Variants in NDUFB2 observed in about 807,000 individuals in gnomAD.
NDUFB2 encodes the protein NADH dehydrogenase [ubiquinone] 1 beta subcomplex subunit 2, mitochondrial.
In NDUFB2, 13 loss-of-function variants were observed where a neutral mutation model predicts 13.4. The observed-to-expected ratio is 0.97, with a 90% CI of 0.63 to 1.54. The LOEUF is 1.54. NDUFB2 is among the 40% of genes most tolerant of loss of function. NDUFB2 has a pLI of 0.00. For missense variants in NDUFB2, 150 were observed against 139.7 expected (o/e 1.07, Z -0.37); for synonymous variants, 47 against 50.6 (o/e 0.93, Z 0.30).
chr7:140,697,604 T>G (rs1192071672), intron 1 of NDUFB2, among the ~76,000 whole-genome samples: 4 of 151,586 alleles, frequency 2.6e-5, no homozygotes, highest in African/African-American at 9.7e-5. Flanking sequence ...TGGAAAAGAG[T>G]CATGGATGAT....
intron 1 of NDUFB2, chr7:140,697,135 T>TCGGCGCCGGCGCGGGCGGTCCAGG (rs1794820783): frequency 3.4e-6 from 2 of 589,026 alleles, no homozygotes. Context: ...GCTGAGCCAG[T>TCGGCGCCGGCGCGGGCGGTCCAGG]CGGCGCCGGC....
intron 1 of NDUFB2, among the ~76,000 whole-genome samples, chr7:140,701,565 G>T (rs2130800917): frequency 6.6e-6 from 1 of 151,616 alleles, no homozygotes; most frequent in Admixed American, 6.6e-5. Context: ...GAGGTGCTCA[G>T]TCAGCAGAAG....
At chr7:140,704,735 TC>T (rs1259201566) in intron 2 of NDUFB2, 124 bp from the exon 3 acceptor site, 1 of 595,158 alleles carries the variant, frequency 1.7e-6, no homozygotes, top group Non-Finnish European at 2.8e-6. Context: ...TAGAATTTGT[TC>T]CTGTGGTCAG....
chr7:140,700,412 C>T (rs920802406), intron 1 of NDUFB2, among the ~76,000 whole-genome samples: 12 of 151,804 alleles, frequency 7.9e-5, no homozygotes, highest in Non-Finnish European at 1.3e-4. Flanking sequence ...CATAAGCCAC[C>T]GTGTCCGGCC....
intron 1 of NDUFB2, among the ~76,000 whole-genome samples, chr7:140,697,716 C>T (rs1344637648): frequency 3.3e-5 from 5 of 152,190 alleles, no homozygotes; most frequent in African/African-American, 1.2e-4. Flanking sequence ...TCAAATCCCA[C>T]CTCTGCCACA....
chr7:140,699,159 A>G lies in NDUFB2; in HGVS notation c.98+2317A>G, dbSNP rs1156228963. On this transcript the variant is annotated intron_variant, in intron 1 of 3. Coordinates refer to ENST00000247866, the MANE Select transcript of NDUFB2 (RefSeq NM_004546.3). ...GGTGACAGAGTGAGACCCCGTCTCA[A>G]AAAAATAAAAATAAAAATGTAACTA... Among the ~76,000 whole-genome samples the G allele has an allele frequency of 2.6e-5, 4 of 152,214 alleles. No homozygotes were observed. In the East Asian group the frequency reaches 7.7e-4, roughly 29 times the overall value.
At chr7:140,696,894 G>C (rs751500191) in intron 1 of NDUFB2, 52 bp downstream of exon 1, 1 of 1,516,808 alleles carries the variant, frequency 6.6e-7, no homozygotes, top group Admixed American at 1.9e-5. Context: ...CGGACAGCGC[G>C]GGTCCCTGGG....
At chr7:140,697,110 G>A (rs1376477152) in intron 1 of NDUFB2, 1 of 589,616 alleles carries the variant, frequency 1.7e-6, no homozygotes, top group African/African-American at 1.9e-5. Context: ...AGACGCACGC[G>A]TGAATGCGGA....
chr7:140,706,166 C>G (rs890825572), intron 3 of NDUFB2: 5 of 152,132 alleles, frequency 3.3e-5, no homozygotes, highest in Middle Eastern at 3.4e-3. Flanking sequence ...TCATGGCTCA[C>G]TGTAACCCCA....
At chr7:140,704,984 T>C in intron 3 of NDUFB2, 21 bp downstream of exon 3, 1 of 1,307,820 alleles carries the variant, frequency 7.6e-7, no homozygotes. Flanking sequence ...TCCAAATTTC[T>C]TTATGTCATA....
chr7:140,704,369 C>T (rs1228603565), intron 2 of NDUFB2, among the ~76,000 whole-genome samples: 1 of 152,170 alleles, frequency 6.6e-6, no homozygotes, highest in Non-Finnish European at 1.5e-5. Flanking sequence ...GCCCCTGCCT[C>T]ACTGTAGGTC....
intron 1 of NDUFB2, chr7:140,697,069 G>T: frequency 1.7e-6 from 1 of 594,174 alleles, no homozygotes; most frequent in Non-Finnish European, 3.0e-6. Context: ...GTGCAGGGCC[G>T]TCATGGTAGT....
At chr7:140,701,102 T>A (rs62485854) in intron 1 of NDUFB2, 6 of 152,094 alleles carry the variant, frequency 3.9e-5, no homozygotes, top group Non-Finnish European at 8.8e-5. Context: ...GATGACTATT[T>A]AGAAAAAAAA....
rs1303975088 is a variant in NDUFB2, at chr7:140,701,780, A to C, written c.99-1086A>C. On this transcript the variant is annotated intron_variant, in intron 1 of 3. Coordinates refer to ENST00000247866, the MANE Select transcript of NDUFB2 (RefSeq NM_004546.3). ...AAACCCCGTCTCTACTAAAAAAAAAACAAAAATTAGCTGGGCATGGTGGCG... is the reference window on the plus strand; with the variant it reads ...AAACCCCGTCTCTACTAAAAAAAAACCAAAAATTAGCTGGGCATGGTGGCG... 6.1e-5 allele frequency: 19 copies of C among 309,942 alleles called. No homozygotes were observed. In the South Asian group the frequency reaches 7.2e-4, roughly 12 times the overall value. The allele number at this position is 309,942 out of a possible 1,614,324, so 19.2% of individuals were successfully genotyped here.
intron 1 of NDUFB2, chr7:140,700,950 G>C (rs959376070): frequency 6.6e-6 from 1 of 152,104 alleles, no homozygotes; most frequent in Admixed American, 6.6e-5. Flanking sequence ...TTGTAAAGTG[G>C]CGATATTTGG....
intron 1 of NDUFB2, chr7:140,702,584 C>T (rs1483270189): frequency 5.5e-6 from 2 of 365,904 alleles, no homozygotes; most frequent in South Asian, 1.2e-4. Flanking sequence ...TTGGGGCTAG[C>T]ACCCCAGAAT....
chr7:140,697,371 G>A (rs952640651), intron 1 of NDUFB2: 5 of 702,820 alleles, frequency 7.1e-6, no homozygotes, highest in Non-Finnish European at 7.8e-6. Flanking sequence ...GGAGGCTGTC[G>A]CCCAGAGAGA....
intron 1 of NDUFB2, chr7:140,701,208 T>C (rs1794892298): frequency 6.6e-6 from 1 of 152,230 alleles, no homozygotes; most frequent in Non-Finnish European, 1.5e-5. Context: ...AAGGAGAAAA[T>C]TGTTAATGGT....
intron 1 of NDUFB2, chr7:140,697,124 G>C: frequency 1.7e-6 from 1 of 592,810 alleles, no homozygotes; most frequent in Non-Finnish European, 3.0e-6. Context: ...ATGCGGAGCG[G>C]GCTGAGCCAG....
Sources: allele counts gnomAD v4.1 joint callset (sites outside exome capture counted in the v4.1 genomes callset), GRCh38; gene constraint gnomAD v4.1.1; transcripts MANE v1.5; gene names NCBI Gene and HGNC (gene_info 2026-07-23, HGNC 2026-07-21).